The following TIAM1 variants were observed in gnomAD, a reference collection of about 807,000 sequenced individuals.
The protein encoded by TIAM1 is rho guanine nucleotide exchange factor TIAM1.
Under a neutral mutation model 163.5 loss-of-function variants are expected in TIAM1, and 65 were observed. The ratio of observed to expected loss-of-function variants is 0.40; its 90% confidence interval spans 0.33 to 0.49. The LOEUF is 0.49. Among genes scored for constraint, TIAM1 ranks in the 20% least tolerant of loss-of-function variants. TIAM1 has a pLI of 0.77. For synonymous variants in TIAM1, 833 were observed against 810.1 expected (o/e 1.03, Z -0.48); for missense variants, 1,789 against 2,044.7 (o/e 0.87, Z 2.41).
intron 2 of TIAM1, among the ~76,000 whole-genome samples, chr21:31,361,837 TTAGATAGATAGATAGATAGA>T (rs75126984): frequency 6.8e-6 from 1 of 147,596 alleles, no homozygotes; most frequent in Non-Finnish European, 1.5e-5. Flanking sequence ...GGAAGAAAGA[TTAGATAGATAGATAGATAGA>T]TAGATAGATA....
At chr21:31,256,519 A>G (rs2072106182) in intron 4 of TIAM1, among the ~76,000 whole-genome samples, 1 of 151,512 alleles carries the variant, frequency 6.6e-6, no homozygotes, top group Non-Finnish European at 1.5e-5. Flanking sequence ...CTGGCTTGTT[A>G]AATTCTAACA....
chr21:31,218,994 C>T (rs1372239910), intron 8 of TIAM1, among the ~76,000 whole-genome samples: 2 of 138,114 alleles, frequency 1.4e-5, no homozygotes, highest in Non-Finnish European at 3.1e-5. Context: ...CGAGGTATTA[C>T]AATGTGCCAG....
At chr21:31,387,353 G>T (rs767398541) in intron 2 of TIAM1, among the ~76,000 whole-genome samples, 1 of 151,522 alleles carries the variant, frequency 6.6e-6, no homozygotes, top group Non-Finnish European at 1.5e-5. Context: ...CTCCCGAGTA[G>T]CTGGGATTAT....
intron 5 of TIAM1, among the ~76,000 whole-genome samples, chr21:31,249,786 C>G (rs1280524185): frequency 6.6e-6 from 1 of 152,150 alleles, no homozygotes; most frequent in African/African-American, 2.4e-5. Flanking sequence ...AAGAACACTG[C>G]AGTTCTCCAA....
intron 1 of TIAM1, among the ~76,000 whole-genome samples, chr21:31,521,753 C>T (rs1430932794): frequency 1.3e-5 from 2 of 151,506 alleles, no homozygotes; most frequent in African/African-American, 4.8e-5. Context: ...CAAACACACA[C>T]ACACACACAC....
rs577161274 is a variant in TIAM1, at chr21:31,420,991, G to A, written c.-369+42992C>T. Among the ~76,000 whole-genome samples, 312 of 151,878 alleles carry A rather than the reference G, an allele frequency of 2.1e-3. 2 individuals are homozygous for A. Among genetic ancestry groups the A allele is most frequent in the African/African-American group, 7.3e-3 (301 of 41,418 alleles). ...ACAAAAATTAGCCGGGTATGGTGGC[G>A]GGTGCCTGTAATCCCAGCTACTTCG... On this transcript the variant is annotated intron_variant, in intron 2 of 28. Coordinates refer to the TIAM1 transcript ENST00000286827.
At chr21:31,462,736 G>GTT (rs201556863) in intron 2 of TIAM1, among the ~76,000 whole-genome samples, 1 of 55,306 alleles carries the variant, frequency 1.8e-5, no homozygotes, top group Non-Finnish European at 3.8e-5. Flanking sequence ...CCACTTTTTT[G>GTT]TTTTTTTTTT....
intron 2 of TIAM1, among the ~76,000 whole-genome samples, chr21:31,400,888 C>T (rs1380503893): frequency 6.6e-6 from 1 of 151,872 alleles, no homozygotes; most frequent in East Asian, 1.9e-4. Flanking sequence ...GTCGGCAGTT[C>T]GAGACCAGCC....
At chr21:31,152,374 G>A (rs1361053360) in intron 19 of TIAM1, among the ~76,000 whole-genome samples, 1 of 152,152 alleles carries the variant, frequency 6.6e-6, no homozygotes, top group African/African-American at 2.4e-5. Context: ...AAGCATTAAA[G>A]GCCCCCACAT....
At chr21:31,263,754 A>T (rs1025334728) in intron 4 of TIAM1, among the ~76,000 whole-genome samples, 3 of 152,102 alleles carry the variant, frequency 2.0e-5, no homozygotes, top group Admixed American at 6.5e-5. Flanking sequence ...GTCCAAGGTG[A>T]TGTTCTGTTT....
intron 15 of TIAM1, among the ~76,000 whole-genome samples, chr21:31,170,847 C>G (rs969479699): frequency 6.6e-6 from 1 of 151,686 alleles, no homozygotes; most frequent in African/African-American, 2.4e-5. Flanking sequence ...ACCAGCCTGA[C>G]CAACATGGTG....
intron 9 of TIAM1, among the ~76,000 whole-genome samples, chr21:31,216,368 C>G (rs6517019): frequency 0.077 from 11,692 of 152,102 alleles, 1,420 homozygotes; most frequent in African/African-American, 0.26. Context: ...CAAGGGCATG[C>G]GGTGAATAGG....
At position 31,216,335 on chromosome 21, in the gene TIAM1, C is replaced by T. The variant is rs77151109; in HGVS notation, c.2142+1218G>A. Among the ~76,000 whole-genome samples the T allele has an allele frequency of 4.1e-3, 619 of 152,196 alleles. 5 individuals are homozygous for T. Among genetic ancestry groups the T allele is most frequent in the African/African-American group, 0.014 (579 of 41,508 alleles). ...GGAGAGATCATTCTATCAAGTCAGTCGATGACGTCCTCTCACTTTTCACAA... is the reference window on the plus strand; with the variant it reads ...GGAGAGATCATTCTATCAAGTCAGTTGATGACGTCCTCTCACTTTTCACAA... On this transcript the variant is annotated intron_variant, in intron 9 of 27. Transcript: ENST00000541036.
At chr21:31,508,561 T>C (rs1456222818) in intron 1 of TIAM1, among the ~76,000 whole-genome samples, 1 of 151,964 alleles carries the variant, frequency 6.6e-6, no homozygotes, top group African/African-American at 2.4e-5. Context: ...CCAGCTAATT[T>C]TGTATTTTCA....
intron 2 of TIAM1, among the ~76,000 whole-genome samples, chr21:31,410,687 AGT>A (rs57343448): frequency 4.0e-5 from 6 of 150,800 alleles, no homozygotes; most frequent in South Asian, 2.1e-4. Context: ...AGGGCGTGAG[AGT>A]GTGTGTGAGT....
intron 1 of TIAM1, among the ~76,000 whole-genome samples, chr21:31,514,594 G>A (rs565461593): frequency 1.3e-4 from 20 of 151,968 alleles, no homozygotes; most frequent in Non-Finnish European, 2.5e-4. Flanking sequence ...TCAGCAGGCT[G>A]AGGCACGAGA....
intron 3 of TIAM1, among the ~76,000 whole-genome samples, chr21:31,273,389 C>T (rs1202712813): frequency 1.3e-5 from 2 of 152,200 alleles, no homozygotes; most frequent in Non-Finnish European, 2.9e-5. Flanking sequence ...TCCTCAGATG[C>T]ACATGCCTAG....
At chr21:31,141,000 ACAG>A (rs1344400903) in intron 22 of TIAM1, 115 bp downstream of exon 22, 26 of 740,692 alleles carry the variant, frequency 3.5e-5, no homozygotes, top group Non-Finnish European at 4.7e-5. Context: ...AAGAAAAACA[ACAG>A]CATCCTAACT....
chr21:31,175,924 T>C (rs1001173378), intron 15 of TIAM1, among the ~76,000 whole-genome samples: 2 of 152,172 alleles, frequency 1.3e-5, no homozygotes, highest in Admixed American at 6.5e-5. Context: ...TAAGAACTGT[T>C]TTACATCTAG....
Sources: allele counts gnomAD v4.1 joint callset (sites outside exome capture counted in the v4.1 genomes callset), GRCh38; gene constraint gnomAD v4.1.1; transcripts MANE v1.5; gene names NCBI Gene and HGNC (gene_info 2026-07-23, HGNC 2026-07-21).